The following CSMD1 variants were observed in gnomAD, a reference collection of about 807,000 sequenced individuals.
CSMD1 encodes CUB and Sushi multiple domains 1.
CSMD1 carries 213 observed loss-of-function variants against 417.5 expected under a neutral mutation model. That is an observed-to-expected ratio of 0.51 (90% CI 0.46 to 0.57). The LOEUF (loss-of-function observed/expected upper bound fraction) is 0.57, where lower values mean the gene tolerates loss of function less well. Among genes scored for constraint, CSMD1 ranks in the 20% least tolerant of loss-of-function variants. The pLI is 0.00. For missense variants in CSMD1, 6,923 were observed against 4,529.7 expected, an observed-to-expected ratio of 1.53 and a Z score of -15.17; for synonymous variants, 2,862 against 1,736.8, an observed-to-expected ratio of 1.65 and a Z score of -16.11.
At chr8:4,179,542 C>A (rs991509422) in intron 3 of CSMD1, among the ~76,000 whole-genome samples, 3 of 150,242 alleles carry the variant, frequency 2.0e-5, no homozygotes, top group Non-Finnish European at 3.0e-5. Context: ...TCTAAAACAC[C>A]AAAAGCAATG....
chr8:4,153,576 G>C (rs1268178967), intron 3 of CSMD1, among the ~76,000 whole-genome samples: 1 of 152,216 alleles, frequency 6.6e-6, no homozygotes, highest in Non-Finnish European at 1.5e-5. Flanking sequence ...GGGAAATGCT[G>C]CATTCCGTCA....
At chr8:4,303,422 G>GTTTTT (rs71511194) in intron 3 of CSMD1, among the ~76,000 whole-genome samples, 1 of 85,248 alleles carries the variant, frequency 1.2e-5, no homozygotes, top group African/African-American at 4.8e-5. Context: ...GCAGGAAGCT[G>GTTTTT]TTTTTTTTTT....
chr8:3,365,342 G>T (rs1359041399), intron 20 of CSMD1, among the ~76,000 whole-genome samples: 1 of 152,134 alleles, frequency 6.6e-6, no homozygotes, highest in Admixed American at 6.6e-5. Flanking sequence ...ATTAGAGGGA[G>T]TATAAAGTAG....
chr8:4,035,834 G>T, intron 3 of CSMD1, among the ~76,000 whole-genome samples: 1 of 152,142 alleles, frequency 6.6e-6, no homozygotes, highest in Non-Finnish European at 1.5e-5. Context: ...TACTCTAAGT[G>T]TACAGTGTTT....
chr8:4,684,989 G>T (rs191980327), intron 1 of CSMD1, among the ~76,000 whole-genome samples: 1 of 152,090 alleles, frequency 6.6e-6, no homozygotes, highest in African/African-American at 2.4e-5. Context: ...AAGAAAAAAA[G>T]TGACACTAAC....
At chr8:3,107,638 C>T (rs1816236364) in intron 45 of CSMD1, 80 bp downstream of exon 45, 4 of 792,484 alleles carry the variant, frequency 5.0e-6, no homozygotes, top group African/African-American at 3.6e-5. Context: ...ATTAACTTGT[C>T]TGAGTAATGA....
chr8:3,967,509 G>C (rs569185454), intron 5 of CSMD1, among the ~76,000 whole-genome samples: 76 of 152,022 alleles, frequency 5.0e-4, no homozygotes, highest in African/African-American at 1.8e-3. Context: ...TTGCGGACTT[G>C]GATGGAGAAT....
In CSMD1 at chr8:3,752,157, G is replaced by C. The variant is rs28461190; in HGVS notation, c.931+1773C>G. On this transcript the variant is annotated intron_variant, in intron 6 of 69. Coordinates refer to ENST00000635120, the MANE Select transcript of CSMD1 (RefSeq NM_033225.6). ...ATTCTAACTACAGCCACAGTATATG[G>C]CAGTCACAAGATAACGGCAGATATG... is the stretch of plus-strand genomic sequence containing the variant. 4.6e-3 allele frequency among the ~76,000 whole-genome samples: 702 copies of C among 152,228 alleles called. 5 individuals carry two copies. The highest frequency in any genetic ancestry group is 0.015 in the African/African-American group (637 of 41,542).
chr8:4,286,895 A>G (rs1253667905), intron 3 of CSMD1, among the ~76,000 whole-genome samples: 1 of 152,222 alleles, frequency 6.6e-6, no homozygotes, highest in Admixed American at 6.5e-5. Flanking sequence ...CATTGTGGCC[A>G]AGGAGTTGAT....
chr8:4,188,195 G>A (rs1373974408), intron 3 of CSMD1, among the ~76,000 whole-genome samples: 1 of 152,106 alleles, frequency 6.6e-6, no homozygotes, highest in Non-Finnish European at 1.5e-5. Flanking sequence ...ATTTTGGCAG[G>A]AAGGGACAAT....
At chr8:4,270,244 T>G (rs564376315) in intron 3 of CSMD1, among the ~76,000 whole-genome samples, 122 of 152,270 alleles carry the variant, frequency 8.0e-4, no homozygotes, top group Non-Finnish European at 1.4e-3. Context: ...CTTTCTCATG[T>G]CTCTTACAAA....
chr8:4,202,398 A>C (rs1426635556), intron 3 of CSMD1, among the ~76,000 whole-genome samples: 1 of 152,282 alleles, frequency 6.6e-6, no homozygotes, highest in South Asian at 2.1e-4. Flanking sequence ...GTTCATTCTT[A>C]AGCTTTTTCA....
chr8:4,553,547 G>C (rs775084760), intron 2 of CSMD1, among the ~76,000 whole-genome samples: 1 of 150,644 alleles, frequency 6.6e-6, no homozygotes, highest in Non-Finnish European at 1.5e-5. Context: ...GATTTTTTTA[G>C]CTATCATATT....
At chr8:4,735,790 A>C (rs774132518) in intron 1 of CSMD1, among the ~76,000 whole-genome samples, 1 of 152,066 alleles carries the variant, frequency 6.6e-6, no homozygotes, top group African/African-American at 2.4e-5. Context: ...ATTTTAGAGG[A>C]ATTTTTCCAA....
At chr8:3,315,855 G>C (rs1014482998) in intron 23 of CSMD1, among the ~76,000 whole-genome samples, 1 of 152,144 alleles carries the variant, frequency 6.6e-6, no homozygotes, top group South Asian at 2.1e-4. Context: ...AGAATTTAAT[G>C]AGTCAATCTT....
chr8:4,055,889 T>C (rs1369404658), intron 3 of CSMD1, among the ~76,000 whole-genome samples: 1 of 152,072 alleles, frequency 6.6e-6, no homozygotes, highest in African/African-American at 2.4e-5. Flanking sequence ...AGCACTTACA[T>C]ACAAATGATG....
chr8:4,808,684 G>A (rs1007863022), intron 1 of CSMD1, among the ~76,000 whole-genome samples: 1 of 152,112 alleles, frequency 6.6e-6, no homozygotes, highest in Non-Finnish European at 1.5e-5. Flanking sequence ...AGAACATACT[G>A]GTTTAAAAAT....
chr8:3,775,855 A>C (rs1798861644), intron 5 of CSMD1, among the ~76,000 whole-genome samples: 1 of 152,216 alleles, frequency 6.6e-6, no homozygotes. Context: ...TTACTGACCT[A>C]GGATGGGTCC....
intron 10 of CSMD1, among the ~76,000 whole-genome samples, chr8:3,517,505 A>G (rs1197312793): frequency 1.3e-5 from 2 of 152,208 alleles, no homozygotes; most frequent in Non-Finnish European, 2.9e-5. Context: ...AATACTTAGA[A>G]AATGTCAGGT....
Sources: gnomAD v4.1 joint callset for allele counts (sites outside exome capture counted in the v4.1 genomes callset) on GRCh38, gnomAD v4.1.1 for gene constraint, MANE v1.5 for transcripts, NCBI Gene and HGNC (gene_info 2026-07-23, HGNC 2026-07-21) for gene names.